BCAT1: variants seen among roughly 807,000 people sequenced by gnomAD.
BCAT1 encodes branched chain amino acid transaminase 1.
Under a neutral mutation model 52.4 loss-of-function variants are expected in BCAT1, and 48 were observed. That is an observed-to-expected ratio of 0.92 (90% CI 0.73 to 1.16). The LOEUF (loss-of-function observed/expected upper bound fraction) is 1.16. Ranked by LOEUF, BCAT1 falls within the 50% of genes most tolerant of loss-of-function variation. The pLI is 0.00. For missense variants in BCAT1, 451 were observed against 457.1 expected, an observed-to-expected ratio of 0.99 and a Z score of 0.12; for synonymous variants, 167 against 161.3, an observed-to-expected ratio of 1.04 and a Z score of -0.27.
chr12:24,930,162 C>T (rs960242102), intron 1 of BCAT1, among the ~76,000 whole-genome samples: 18 of 152,210 alleles, frequency 1.2e-4, no homozygotes, highest in African/African-American at 4.1e-4. Flanking sequence ...CACAACCTCC[C>T]CTCCCCCTTG....
At chr12:24,851,904 A>C (rs998788481) in intron 5 of BCAT1, among the ~76,000 whole-genome samples, 4 of 152,172 alleles carry the variant, frequency 2.6e-5, no homozygotes, top group African/African-American at 9.7e-5. Flanking sequence ...CTTGAAGCAG[A>C]ACATGTTAGA....
chr12:24,895,756 C>T (rs1185624743), intron 2 of BCAT1, among the ~76,000 whole-genome samples: 1 of 152,122 alleles, frequency 6.6e-6, no homozygotes, highest in Non-Finnish European at 1.5e-5. Context: ...TTAAAATGAT[C>T]TAATTCTGTT....
At chr12:24,865,202 T>C (rs896071180) in intron 5 of BCAT1, among the ~76,000 whole-genome samples, 4 of 152,212 alleles carry the variant, frequency 2.6e-5, no homozygotes, top group African/African-American at 9.6e-5. Flanking sequence ...ATAATAGACT[T>C]TCACATCTAT....
At chr12:24,826,137 A>G (rs1288222963) in intron 10 of BCAT1, among the ~76,000 whole-genome samples, 1 of 152,178 alleles carries the variant, frequency 6.6e-6, no homozygotes, top group Non-Finnish European at 1.5e-5. Flanking sequence ...GCTTGAGCCC[A>G]GGAGGTCAAT....
intron 1 of BCAT1, among the ~76,000 whole-genome samples, chr12:24,917,332 C>T (rs1211022505): frequency 6.6e-6 from 1 of 152,150 alleles, no homozygotes; most frequent in East Asian, 1.9e-4. Flanking sequence ...GCGCCCGCCA[C>T]CACGCCCGGC....
intron 1 of BCAT1, among the ~76,000 whole-genome samples, chr12:24,917,552 ACT>A (rs1230730194): frequency 6.6e-6 from 1 of 152,210 alleles, no homozygotes; most frequent in Non-Finnish European, 1.5e-5. Flanking sequence ...ATTTAAGACT[ACT>A]TGTCAAGGTC....
At position 24,922,678 on chromosome 12, in the gene BCAT1, C is replaced by T. The variant is rs539821564; in HGVS notation, c.7-20793G>A. Among the ~76,000 whole-genome samples, 5 of 152,214 alleles carry T rather than the reference C, an allele frequency of 3.3e-5. No individual in the cohort carries two copies. The East Asian group carries it at 9.7e-4, about 29-fold the overall frequency. On this transcript the variant is annotated intron_variant, in intron 1 of 10. Coordinates refer to ENST00000261192, the MANE Select transcript of BCAT1 (RefSeq NM_005504.7). The stretch of plus-strand genomic sequence containing the variant: ...ACGAGGTCAGGAGATCAAGACCATC[C>T]TGGCCAACATGGTGAAACCCCGTCT...
chr12:24,869,511 A>G (rs2139555332), intron 5 of BCAT1, among the ~76,000 whole-genome samples: 1 of 152,328 alleles, frequency 6.6e-6, no homozygotes, highest in East Asian at 1.9e-4. Flanking sequence ...GCCTTGGGAC[A>G]AGGACCCCAT....
chr12:24,893,950 G>A (rs2139650987), intron 3 of BCAT1, among the ~76,000 whole-genome samples: 1 of 152,266 alleles, frequency 6.6e-6, no homozygotes, highest in East Asian at 1.9e-4. Flanking sequence ...TCAATTATTA[G>A]AAGATCTAAG....
chr12:24,907,260 T>C (rs999181217), intron 1 of BCAT1, among the ~76,000 whole-genome samples: 2 of 152,272 alleles, frequency 1.3e-5, no homozygotes, highest in African/African-American at 2.4e-5. Context: ...GGAACGTCTC[T>C]GAACCCTGTC....
chr12:24,836,104 C>A (rs561266132), intron 8 of BCAT1, among the ~76,000 whole-genome samples: 4 of 152,206 alleles, frequency 2.6e-5, no homozygotes, highest in African/African-American at 9.6e-5. Flanking sequence ...ATTTCTACGG[C>A]AAGCATGGTT....
At chr12:24,851,702 C>T (rs1941516647) in intron 5 of BCAT1, among the ~76,000 whole-genome samples, 1 of 152,180 alleles carries the variant, frequency 6.6e-6, no homozygotes, top group African/African-American at 2.4e-5. Flanking sequence ...AAAGGAGGAC[C>T]ATCCTACCAG....
chr12:24,883,202 C>T (rs1942552286), intron 3 of BCAT1, among the ~76,000 whole-genome samples: 1 of 152,126 alleles, frequency 6.6e-6, no homozygotes, highest in African/African-American at 2.4e-5. Flanking sequence ...AGGAGAATTG[C>T]TTAAACCCAG....
chr12:24,869,600 A>T (rs6487434), intron 5 of BCAT1, among the ~76,000 whole-genome samples: 81,923 of 152,022 alleles, frequency 0.54, 22,802 homozygotes, highest in East Asian at 0.78. Flanking sequence ...GTGACCCAGC[A>T]CTTCAACTCC....
chr12:24,839,819 G>A (rs533393834), intron 7 of BCAT1, among the ~76,000 whole-genome samples: 7 of 152,184 alleles, frequency 4.6e-5, no homozygotes, highest in African/African-American at 1.4e-4. Context: ...TTTTCAACTC[G>A]TTTGTTCATT....
chr12:24,851,405 C>T (rs977016156), intron 5 of BCAT1, among the ~76,000 whole-genome samples: 25 of 152,202 alleles, frequency 1.6e-4, no homozygotes, highest in African/African-American at 6.0e-4. Flanking sequence ...ATCCCTCACC[C>T]ACTGCTCAAC....
At chr12:24,908,887 G>T (rs953210266) in intron 1 of BCAT1, among the ~76,000 whole-genome samples, 1 of 152,076 alleles carries the variant, frequency 6.6e-6, no homozygotes, top group Non-Finnish European at 1.5e-5. Context: ...ATGACTTTTG[G>T]CAAATTACTA....
At chr12:24,864,526 C>G (rs909837531) in intron 5 of BCAT1, among the ~76,000 whole-genome samples, 7 of 152,108 alleles carry the variant, frequency 4.6e-5, no homozygotes, top group African/African-American at 1.7e-4. Context: ...TCCCTGCCTG[C>G]TTACGTGGTC....
intron 2 of BCAT1, 82 bp from the exon 3 acceptor site, chr12:24,894,557 A>AT (rs1942917629): frequency 8.9e-6 from 10 of 1,117,566 alleles, no homozygotes; most frequent in Non-Finnish European, 1.3e-5. Context: ...AAAAAAAAAA[A>AT]GGAAATCAAT....
Sources: gnomAD v4.1 joint callset for allele counts (sites outside exome capture counted in the v4.1 genomes callset) on GRCh38, gnomAD v4.1.1 for gene constraint, MANE v1.5 for transcripts, NCBI Gene and HGNC (gene_info 2026-07-23, HGNC 2026-07-21) for gene names.